NCAPG2: variants seen among roughly 807,000 people sequenced by gnomAD.
The protein encoded by NCAPG2 is non-SMC condensin II complex subunit G2, also known as condensin-2 complex subunit G2.
NCAPG2 carries 53 observed loss-of-function variants against 141.1 expected under a neutral mutation model. The observed-to-expected ratio is 0.38, with a 90% CI of 0.30 to 0.47. The LOEUF (loss-of-function observed/expected upper bound fraction) is 0.47, where lower values mean the gene tolerates loss of function less well. Ranked by LOEUF, NCAPG2 falls within the 20% of genes least tolerant of loss-of-function variation. The pLI, the probability that NCAPG2 is intolerant of heterozygous loss-of-function variation, is 0.99. For synonymous variants in NCAPG2, 499 were observed against 490.7 expected (o/e 1.02, Z -0.22); for missense variants, 1,087 against 1,389.0 (o/e 0.78, Z 3.46).
In NCAPG2 at chr7:158,650,881, G is replaced by C; in HGVS notation, c.3026C>G (p.Ser1009Cys). The C allele has an allele frequency of 6.2e-7, 1 of 1,613,880 alleles. No individual in the cohort carries two copies. The highest frequency in any genetic ancestry group is 1.3e-5 in the African/African-American group (1 of 74,994). ...AACCACAGGCCCAGCGATCAGAGTA[G>C]AAAGTACACCCCGGTGCACAGGGGT... Reference protein sequence around the residue: ...TDTPVHRGVLSTLIAGPVVEI... With the variant: ...TDTPVHRGVLCTLIAGPVVEI... The change falls in exon 24 of 28, where the codon TCT becomes TGT. Residue 1009 changes from serine (S) to cysteine (C), a missense_variant. By Grantham distance (112) the Ser-to-Cys change is moderately radical. Transcript: ENST00000356309.
At chr7:158,655,540 G>C in intron 19 of NCAPG2, 85 bp from the exon 20 acceptor site, 1 of 1,177,338 alleles carries the variant, frequency 8.5e-7, no homozygotes, top group East Asian at 2.3e-5. Flanking sequence ...GGAAGCACCT[G>C]ATCCTCAGGC....
intron 8 of NCAPG2, among the ~76,000 whole-genome samples, chr7:158,684,675 T>A (rs968396935): frequency 6.6e-6 from 1 of 152,202 alleles, no homozygotes; most frequent in African/African-American, 2.4e-5. Context: ...GAAATACACA[T>A]TGTTGATACC....
chr7:158,641,354 C>A (rs774066111), intron 27 of NCAPG2: 18 of 412,072 alleles, frequency 4.4e-5, no homozygotes, highest in Non-Finnish European at 5.1e-5. Flanking sequence ...CAGAGAAGAT[C>A]AAAAAACATG....
At chr7:158,672,352 T>C in intron 12 of NCAPG2, among the ~76,000 whole-genome samples, 1 of 116,162 alleles carries the variant, frequency 8.6e-6, no homozygotes. Flanking sequence ...TTTTTTTTTT[T>C]TTTTTTTTGA....
chr7:158,685,147 A>G (rs1834679657), intron 8 of NCAPG2, among the ~76,000 whole-genome samples: 1 of 152,204 alleles, frequency 6.6e-6, no homozygotes, highest in Admixed American at 6.5e-5. Flanking sequence ...GGGAAAACAA[A>G]CACACTTTTT....
At chr7:158,638,088 G>C (rs1830411958) in intron 27 of NCAPG2, among the ~76,000 whole-genome samples, 1 of 152,090 alleles carries the variant, frequency 6.6e-6, no homozygotes, top group African/African-American at 2.4e-5. Flanking sequence ...AGGTTGCAGT[G>C]AGCCAAGATC....
chr7:158,682,923 T>G (rs746419575), intron 9 of NCAPG2, among the ~76,000 whole-genome samples: 2 of 152,176 alleles, frequency 1.3e-5, no homozygotes, highest in Non-Finnish European at 2.9e-5. Context: ...ATCAAAACAT[T>G]TATTCATTTG....
At chr7:158,646,779 G>A (rs1268126731) in intron 24 of NCAPG2, among the ~76,000 whole-genome samples, 2 of 152,186 alleles carry the variant, frequency 1.3e-5, no homozygotes, top group Non-Finnish European at 2.9e-5. Context: ...TGTAATCCCA[G>A]CGCTCTGGGA....
chr7:158,670,471 A>G (rs1587209905), intron 13 of NCAPG2, among the ~76,000 whole-genome samples: 1 of 152,190 alleles, frequency 6.6e-6, no homozygotes, highest in Middle Eastern at 3.4e-3. Context: ...GAGGCTCAGG[A>G]GGGATGATGG....
In NCAPG2 at chr7:158,675,458, A is replaced by C; in HGVS notation, c.1326+19T>G. The C allele has an allele frequency of 6.4e-7, 1 of 1,553,620 alleles. No individual in the cohort carries two copies. Among genetic ancestry groups the C allele is most frequent in the Non-Finnish European group, 8.7e-7 (1 of 1,154,412 alleles). ...TCTACAACAAATAAACATTACTTACATAATTTAAAAAATCTTACCTTAAAG... is the reference window on the plus strand; with the variant it reads ...TCTACAACAAATAAACATTACTTACCTAATTTAAAAAATCTTACCTTAAAG... On this transcript the variant is annotated intron_variant, in intron 12 of 27. Coordinates refer to ENST00000356309, the MANE Select transcript of NCAPG2 (RefSeq NM_017760.7).
intron 16 of NCAPG2, 115 bp downstream of exon 16, chr7:158,662,079 A>G: frequency 9.7e-7 from 1 of 1,031,170 alleles, no homozygotes; most frequent in South Asian, 2.0e-5. Context: ...CAACCCTCTC[A>G]TTTTACAGAT....
intron 9 of NCAPG2, 111 bp from the exon 10 acceptor site, chr7:158,680,927 G>T: frequency 1.4e-6 from 1 of 701,692 alleles, no homozygotes. Context: ...CCACAAGTAG[G>T]CTCTGGCTGG....
chr7:158,664,115 TA>T, intron 15 of NCAPG2, 68 bp downstream of exon 15: 1 of 1,190,874 alleles, frequency 8.4e-7, no homozygotes, highest in Non-Finnish European at 1.2e-6. Context: ...GGAATATTCC[TA>T]ACATAATGGC....
chr7:158,647,389 C>T (rs1265770561), intron 24 of NCAPG2, among the ~76,000 whole-genome samples: 1 of 152,188 alleles, frequency 6.6e-6, no homozygotes, highest in Admixed American at 6.5e-5. Flanking sequence ...TCACAGTGCC[C>T]CCTGCAGGGC....
At chr7:158,663,035 C>T (rs1383371569) in intron 15 of NCAPG2, among the ~76,000 whole-genome samples, 1 of 152,256 alleles carries the variant, frequency 6.6e-6, no homozygotes, top group Non-Finnish European at 1.5e-5. Context: ...AATTCCTCTT[C>T]TACCCAGAGC....
At chr7:158,700,937 A>T (rs140948215) in intron 2 of NCAPG2, among the ~76,000 whole-genome samples, 1 of 152,246 alleles carries the variant, frequency 6.6e-6, no homozygotes, top group East Asian at 1.9e-4. Context: ...AGGCATTCCC[A>T]TGACTTAGGC....
intron 24 of NCAPG2, among the ~76,000 whole-genome samples, chr7:158,650,586 G>C (rs989920471): frequency 6.6e-6 from 1 of 152,044 alleles, no homozygotes; most frequent in African/African-American, 2.4e-5. Context: ...TCAAATGTAA[G>C]GACTATATTT....
intron 15 of NCAPG2, among the ~76,000 whole-genome samples, chr7:158,662,827 G>A (rs1465354696): frequency 6.6e-6 from 1 of 152,150 alleles, no homozygotes; most frequent in Non-Finnish European, 1.5e-5. Flanking sequence ...TCAGGTCACA[G>A]AAAGGACACA....
rs1158924285 is a variant in NCAPG2, at chr7:158,668,458, A to G, written c.1479+3056T>C. 4 of 961,228 alleles carry G rather than the reference A, an allele frequency of 4.2e-6. No homozygotes were observed. The African/African-American group carries it at 7.1e-5, about 17-fold the overall frequency. 59.5% of individuals were successfully genotyped at this position (961,228 alleles called of 1,614,324 possible). A position where few individuals can be genotyped will look rare whatever the true frequency, so the allele number is the denominator to read the frequency against. ...TTCTTTTTTTATAAAATAATGGTAGAGTGGTTTTAAGTGCTTATCTTTTAG... is the reference window on the plus strand; with the variant it reads ...TTCTTTTTTTATAAAATAATGGTAGGGTGGTTTTAAGTGCTTATCTTTTAG... On this transcript the variant is annotated intron_variant, in intron 13 of 27. Transcript: ENST00000356309.
Sources: gnomAD v4.1 joint callset for allele counts (sites outside exome capture counted in the v4.1 genomes callset) on GRCh38, gnomAD v4.1.1 for gene constraint, MANE v1.5 for transcripts, NCBI Gene and HGNC (gene_info 2026-07-23, HGNC 2026-07-21) for gene names.